The following FER variants were observed in gnomAD, a reference collection of about 807,000 sequenced individuals.
The protein encoded by FER is FER tyrosine kinase, also known as tyrosine-protein kinase Fer.
A neutral mutation model predicts 111.0 loss-of-function variants in FER; 63 were observed. That is an observed-to-expected ratio of 0.57 (90% CI 0.46 to 0.70). FER has a LOEUF of 0.70. FER is among the 30% of genes least tolerant of loss of function. FER has a pLI of 0.00. For missense variants in FER, 914 were observed against 954.0 expected (o/e 0.96, Z 0.55); for synonymous variants, 327 against 313.9 (o/e 1.04, Z -0.44).
intron 9 of FER, among the ~76,000 whole-genome samples, chr5:108,896,436 T>C (rs1017297254): frequency 2.0e-5 from 3 of 152,206 alleles, no homozygotes; most frequent in Non-Finnish European, 4.4e-5. Context: ...TGTTGAATGA[T>C]AATGATGTAA....
intron 2 of FER, among the ~76,000 whole-genome samples, chr5:108,770,131 A>G (rs1166328453): frequency 6.6e-6 from 1 of 152,140 alleles, no homozygotes; most frequent in Non-Finnish European, 1.5e-5. Context: ...TATTTTTAGT[A>G]GAGATGAGGT....
At chr5:108,846,700 A>G (rs1326774992) in intron 5 of FER, among the ~76,000 whole-genome samples, 1 of 151,960 alleles carries the variant, frequency 6.6e-6, no homozygotes, top group Non-Finnish European at 1.5e-5. Context: ...CTCCTGTCTC[A>G]GCCTCCCAAG....
intron 11 of FER, among the ~76,000 whole-genome samples, chr5:108,950,321 CCAAA>C (rs1014736080): frequency 5.9e-5 from 9 of 151,908 alleles, no homozygotes; most frequent in African/African-American, 1.2e-4. Context: ...TAGCTAAAAA[CCAAA>C]CAAATTCAAA....
At chr5:108,762,170 G>C (rs1751832349) in intron 1 of FER, among the ~76,000 whole-genome samples, 1 of 152,210 alleles carries the variant, frequency 6.6e-6, no homozygotes, top group South Asian at 2.1e-4. Flanking sequence ...CTGCCTTGTG[G>C]TATAATTTTT....
chr5:108,814,629 C>T (rs1758093287), intron 3 of FER, among the ~76,000 whole-genome samples: 1 of 152,166 alleles, frequency 6.6e-6, no homozygotes, highest in South Asian at 2.1e-4. Context: ...TATTAGGACA[C>T]TCCTAAGTCT....
intron 13 of FER, among the ~76,000 whole-genome samples, chr5:109,015,884 C>T (rs945008067): frequency 6.6e-6 from 1 of 151,860 alleles, no homozygotes. Flanking sequence ...CTCCATACTC[C>T]GAAGAATGTC....
intron 13 of FER, among the ~76,000 whole-genome samples, chr5:108,988,349 G>A (rs1762805710): frequency 6.6e-6 from 1 of 152,102 alleles, no homozygotes. Context: ...GGAGAATAGT[G>A]TCACTAGGAT....
At chr5:109,129,240 A>G (rs1257659637) in intron 17 of FER, among the ~76,000 whole-genome samples, 2 of 152,060 alleles carry the variant, frequency 1.3e-5, no homozygotes, top group Non-Finnish European at 2.9e-5. Flanking sequence ...AAATGATTCT[A>G]CTTTTTCAGC....
In FER at chr5:109,047,415, AT is replaced by A. The variant is rs201341025; in HGVS notation, c.1924+220del. ...TGTCAACTGCTTTTTTAAAAGGCAG[AT>A]TTATTATTAGAATATAGTTACACAT... On this transcript the variant is annotated intron_variant, in intron 16 of 19. Coordinates refer to ENST00000281092, the MANE Select transcript of FER (RefSeq NM_005246.4). Among the ~76,000 whole-genome samples the A allele has an allele frequency of 5.9e-3, 897 of 152,254 alleles. 6 individuals carry two copies. Among genetic ancestry groups the A allele is most frequent in the African/African-American group, 0.021 (860 of 41,548 alleles).
intron 16 of FER, among the ~76,000 whole-genome samples, chr5:109,073,127 T>TAGAC: frequency 6.6e-6 from 1 of 152,246 alleles, no homozygotes; most frequent in East Asian, 1.9e-4. Context: ...AAGTCCCAGG[T>TAGAC]AGACATAAAT....
chr5:108,891,663 T>TC (rs1450383352), intron 9 of FER: 4 of 151,160 alleles, frequency 2.6e-5, no homozygotes, highest in African/African-American at 9.7e-5. Flanking sequence ...TTTGTTTTTT[T>TC]TTTCTTTTTT....
chr5:108,891,479 C>A (rs914251484), intron 9 of FER: 10 of 151,886 alleles, frequency 6.6e-5, no homozygotes, highest in Admixed American at 6.6e-4. Context: ...TGTTCACAGT[C>A]AGTTATAGAT....
intron 14 of FER, among the ~76,000 whole-genome samples, chr5:109,039,098 A>T (rs1375836495): frequency 2.0e-5 from 3 of 152,070 alleles, no homozygotes; most frequent in Non-Finnish European, 2.9e-5. Context: ...TTAAATAATC[A>T]TTTACAGTAT....
At chr5:109,058,377 G>A (rs564066810) in intron 16 of FER, among the ~76,000 whole-genome samples, 2 of 152,138 alleles carry the variant, frequency 1.3e-5, no homozygotes, top group East Asian at 1.9e-4. Flanking sequence ...GAAGAAAAAA[G>A]TAAAAGGCAT....
chr5:109,142,950 A>T (rs151043839), intron 17 of FER, among the ~76,000 whole-genome samples: 226 of 152,256 alleles, frequency 1.5e-3, no homozygotes, highest in African/African-American at 5.1e-3. Context: ...ATTGATGGTC[A>T]GCCAGTGAAA....
chr5:109,020,500 G>T (rs900436940), intron 13 of FER, among the ~76,000 whole-genome samples: 4 of 151,884 alleles, frequency 2.6e-5, no homozygotes, highest in African/African-American at 9.7e-5. Context: ...TCATTAACTT[G>T]TAAGATTGAG....
At chr5:108,924,822 C>A in intron 10 of FER, 1 of 1,225,032 alleles carries the variant, frequency 8.2e-7, no homozygotes, top group East Asian at 3.2e-5. Context: ...GCCTACTTTA[C>A]CCAGGGCCCC....
At chr5:109,097,659 A>G (rs1442186347) in intron 16 of FER, among the ~76,000 whole-genome samples, 1 of 151,940 alleles carries the variant, frequency 6.6e-6, no homozygotes, top group Non-Finnish European at 1.5e-5. Context: ...ATCTGATATC[A>G]GCCTTCAGTT....
At chr5:108,760,174 T>TC (rs574296459) in intron 1 of FER, among the ~76,000 whole-genome samples, 188 of 151,856 alleles carry the variant, frequency 1.2e-3, no homozygotes, top group African/African-American at 4.0e-3. Context: ...TTTTTTTTTT[T>TC]CTGAGCAGTA....
Sources: allele counts gnomAD v4.1 joint callset (sites outside exome capture counted in the v4.1 genomes callset), GRCh38; gene constraint gnomAD v4.1.1; transcripts MANE v1.5; gene names NCBI Gene and HGNC (gene_info 2026-07-23, HGNC 2026-07-21).